MAPK10: variants seen among roughly 807,000 people sequenced by gnomAD.
The protein encoded by MAPK10 is JNK3 alpha protein kinase.
In MAPK10, 25 loss-of-function variants were observed where a neutral mutation model predicts 59.3. That is an observed-to-expected ratio of 0.42 (90% CI 0.31 to 0.59). The LOEUF (loss-of-function observed/expected upper bound fraction) is 0.59, where lower values mean the gene tolerates loss of function less well. MAPK10 is among the 20% of genes least tolerant of loss of function. The probability of loss-of-function intolerance (pLI) is 0.15; values close to 1 mark genes in which losing one functional copy is unlikely to be tolerated. For synonymous variants in MAPK10, 190 were observed against 200.5 expected (o/e 0.95, Z 0.44); for missense variants, 351 against 568.9 (o/e 0.62, Z 3.90).
intron 13 of MAPK10, chr4:86,026,454 G>C (rs1340686211): frequency 2.6e-5 from 4 of 152,104 alleles, no homozygotes; most frequent in African/African-American, 9.7e-5. Context: ...TTATTTATTT[G>C]GAAATGTATC....
intron 2 of MAPK10, among the ~76,000 whole-genome samples, chr4:86,302,302 A>G (rs1158971966): frequency 6.6e-6 from 1 of 152,232 alleles, no homozygotes; most frequent in Non-Finnish European, 1.5e-5. Context: ...CAAAACGCTC[A>G]CTAGTTTTCT....
chr4:86,334,318 T>C (rs914638807), intron 2 of MAPK10, among the ~76,000 whole-genome samples: 3 of 152,190 alleles, frequency 2.0e-5, no homozygotes, highest in Non-Finnish European at 4.4e-5. Context: ...TCTAACTGTG[T>C]CAGTCTAGTC....
chr4:86,047,208 C>T (rs1287842224), intron 11 of MAPK10, among the ~76,000 whole-genome samples: 1 of 152,008 alleles, frequency 6.6e-6, no homozygotes, highest in Non-Finnish European at 1.5e-5. Context: ...AGGTTACACA[C>T]GAATGTGTGT....
At chr4:86,207,659 T>A (rs1002594884) in intron 2 of MAPK10, among the ~76,000 whole-genome samples, 3 of 152,168 alleles carry the variant, frequency 2.0e-5, no homozygotes, top group African/African-American at 7.2e-5. Context: ...TTTCACGATA[T>A]TGATTCTTCC....
intron 1 of MAPK10, among the ~76,000 whole-genome samples, chr4:86,543,159 G>A (rs547038445): frequency 3.9e-5 from 6 of 152,294 alleles, no homozygotes; most frequent in Non-Finnish European, 7.3e-5. Context: ...GATCCGTCCA[G>A]GTGGGGGGAC....
intron 2 of MAPK10, among the ~76,000 whole-genome samples, chr4:86,265,222 A>G (rs13140361): frequency 6.6e-6 from 1 of 152,104 alleles, no homozygotes. Flanking sequence ...CTTAAAAAGT[A>G]TTATGATATG....
At chr4:86,078,622 C>T (rs1467390544) in intron 9 of MAPK10, among the ~76,000 whole-genome samples, 1 of 152,022 alleles carries the variant, frequency 6.6e-6, no homozygotes. Flanking sequence ...CACACACACA[C>T]ACACACAAAC....
At chr4:86,346,674 C>G (rs1456231597) in intron 2 of MAPK10, among the ~76,000 whole-genome samples, 1 of 151,272 alleles carries the variant, frequency 6.6e-6, no homozygotes, top group African/African-American at 2.4e-5. Flanking sequence ...AAAGTCAGCC[C>G]TCCGTATCTG....
intron 1 of MAPK10, among the ~76,000 whole-genome samples, chr4:86,578,655 C>A (rs973902001): frequency 6.6e-6 from 1 of 151,654 alleles, no homozygotes; most frequent in African/African-American, 2.4e-5. Flanking sequence ...AGATAATTTT[C>A]AGCTTAATTA....
chr4:86,100,974 G>T, intron 8 of MAPK10, 78 bp downstream of exon 8: 1 of 1,300,352 alleles, frequency 7.7e-7, no homozygotes, highest in Non-Finnish European at 1.1e-6. Flanking sequence ...ACATAAAAGA[G>T]AACATTCCCC....
intron 1 of MAPK10, among the ~76,000 whole-genome samples, chr4:86,586,666 G>A (rs942538062): frequency 6.6e-6 from 1 of 152,228 alleles, no homozygotes; most frequent in Non-Finnish European, 1.5e-5. Flanking sequence ...AAATTTAGGT[G>A]AGGGAAATGT....
intron 1 of MAPK10, among the ~76,000 whole-genome samples, chr4:86,406,688 C>G (rs1474994602): frequency 6.6e-6 from 1 of 152,106 alleles, no homozygotes; most frequent in Admixed American, 6.5e-5. Context: ...GGCCAGAGAG[C>G]CAGGGCCAGC....
chr4:86,322,787 A>C (rs1257090410), intron 2 of MAPK10, among the ~76,000 whole-genome samples: 1 of 152,248 alleles, frequency 6.6e-6, no homozygotes, highest in Non-Finnish European at 1.5e-5. Flanking sequence ...AATGTGGCTT[A>C]TATGCTCATC....
chr4:86,256,650 T>C (rs2093724054), intron 2 of MAPK10, among the ~76,000 whole-genome samples: 1 of 152,084 alleles, frequency 6.6e-6, no homozygotes, highest in East Asian at 1.9e-4. Flanking sequence ...TTTTAGTTTT[T>C]GTCAGTGATT....
chr4:86,334,686 C>T (rs1365872665), intron 2 of MAPK10, among the ~76,000 whole-genome samples: 1 of 152,016 alleles, frequency 6.6e-6, no homozygotes, highest in Non-Finnish European at 1.5e-5. Flanking sequence ...CCTATCCAAA[C>T]ACGTTTCCTC....
chr4:86,460,536 G>A (rs937045148), intron 1 of MAPK10, among the ~76,000 whole-genome samples: 11 of 152,170 alleles, frequency 7.2e-5, no homozygotes, highest in Non-Finnish European at 1.5e-4. Flanking sequence ...CTGGGAACAG[G>A]CCCCCAAATC....
intron 1 of MAPK10, among the ~76,000 whole-genome samples, chr4:86,537,231 A>G (rs1758317280): frequency 6.6e-6 from 1 of 152,190 alleles, no homozygotes; most frequent in African/African-American, 2.4e-5. Context: ...CAAATAAGTA[A>G]AAGTACTAAC....
At chr4:86,174,744 A>T (rs1364268166) in intron 3 of MAPK10, among the ~76,000 whole-genome samples, 1 of 152,168 alleles carries the variant, frequency 6.6e-6, no homozygotes, top group African/African-American at 2.4e-5. Flanking sequence ...CCTGAATTGG[A>T]ATTTGAATGA....
At chr4:86,426,527 A>G (rs1165404126) in intron 1 of MAPK10, among the ~76,000 whole-genome samples, 1 of 152,220 alleles carries the variant, frequency 6.6e-6, no homozygotes, top group Non-Finnish European at 1.5e-5. Flanking sequence ...TTGCATTTAG[A>G]TTCCGTCCTA....
Sources: gnomAD v4.1 joint callset for allele counts (sites outside exome capture counted in the v4.1 genomes callset) on GRCh38, gnomAD v4.1.1 for gene constraint, MANE v1.5 for transcripts, NCBI Gene and HGNC (gene_info 2026-07-23, HGNC 2026-07-21) for gene names.